CBFA2T2: variants seen among roughly 807,000 people sequenced by gnomAD.
The protein encoded by CBFA2T2 is protein CBFA2T2.
A neutral mutation model predicts 62.2 loss-of-function variants in CBFA2T2; 11 were observed. That is an observed-to-expected ratio of 0.18 (90% confidence interval 0.11 to 0.29). CBFA2T2 has a LOEUF of 0.29. CBFA2T2 is among the 10% of genes least tolerant of loss of function. CBFA2T2 has a pLI of 1.00. For synonymous variants in CBFA2T2, 295 were observed against 287.5 expected, an observed-to-expected ratio of 1.03 and a Z score of -0.27; for missense variants, 592 against 774.1, an observed-to-expected ratio of 0.76 and a Z score of 2.79.
At chr20:33,503,254 CT>C (rs557746879) in intron 1 of CBFA2T2, among the ~76,000 whole-genome samples, 9,435 of 108,380 alleles carry the variant, frequency 0.087, 722 homozygotes, top group African/African-American at 0.28. Flanking sequence ...TTCTTTCTTT[CT>C]TTTTTTTTTT....
In CBFA2T2 at chr20:33,574,383, T is replaced by C. The variant is rs911594655; in HGVS notation, c.35-32573T>C. The stretch of plus-strand genomic sequence containing the variant: ...GCTCACGCCTGTAATCCCAGCACTT[T>C]GGGAGGCCAAGGCGGGTGGATCACC... On this transcript the variant is annotated intron_variant, in intron 1 of 10. Coordinates refer to ENST00000342704, the MANE Select transcript of CBFA2T2 (RefSeq NM_001032999.3). The C allele has an allele frequency of 1.0e-4, 83 of 826,670 alleles. No homozygotes were observed. The African/African-American group carries it at 1.4e-3, about 14-fold the overall frequency. 51.2% of individuals were successfully genotyped at this position (826,670 alleles called of 1,614,324 possible). A position where few individuals can be genotyped will look rare whatever the true frequency, so the allele number is the denominator to read the frequency against.
chr20:33,569,762 G>A (rs1450733159), intron 1 of CBFA2T2, among the ~76,000 whole-genome samples: 1 of 152,086 alleles, frequency 6.6e-6, no homozygotes, highest in Non-Finnish European at 1.5e-5. Context: ...TTAATAATTT[G>A]GAAAATTTAA....
intron 1 of CBFA2T2, among the ~76,000 whole-genome samples, chr20:33,507,746 C>G (rs917532111): frequency 6.6e-6 from 1 of 152,198 alleles, no homozygotes; most frequent in African/African-American, 2.4e-5. Context: ...CCTTTCAATC[C>G]TTTGCTGTTG....
chr20:33,505,857 G>A (rs1054188998), intron 1 of CBFA2T2, among the ~76,000 whole-genome samples: 4 of 152,072 alleles, frequency 2.6e-5, no homozygotes, highest in African/African-American at 9.7e-5. Context: ...TTGGGAGGCT[G>A]AGGCACATGG....
intron 1 of CBFA2T2, among the ~76,000 whole-genome samples, chr20:33,515,517 T>C (rs1168120902): frequency 6.6e-6 from 1 of 152,074 alleles, no homozygotes; most frequent in East Asian, 1.9e-4. Context: ...ACTATAGTTT[T>C]TTATTTTTAT....
At chr20:33,643,818 G>T (rs7509468) in intron 10 of CBFA2T2, among the ~76,000 whole-genome samples, 5 of 34,100 alleles carry the variant, frequency 1.5e-4, no homozygotes, top group Admixed American at 4.4e-4. Flanking sequence ...TATATATATA[G>T]TATATAATGT....
At chr20:33,547,397 T>C in intron 1 of CBFA2T2, among the ~76,000 whole-genome samples, 1 of 151,434 alleles carries the variant, frequency 6.6e-6, no homozygotes, top group Non-Finnish European at 1.5e-5. Flanking sequence ...AAATAAAAAA[T>C]TTAAAAATAA....
At chr20:33,497,127 G>C (rs1051239794) in intron 1 of CBFA2T2, among the ~76,000 whole-genome samples, 39 of 152,070 alleles carry the variant, frequency 2.6e-4, no homozygotes, top group Middle Eastern at 6.8e-3. Context: ...TACAAAATTA[G>C]CTGGGCATGG....
intron 1 of CBFA2T2, among the ~76,000 whole-genome samples, chr20:33,574,648 T>G (rs2013738918): frequency 6.6e-6 from 1 of 152,172 alleles, no homozygotes; most frequent in South Asian, 2.1e-4. Context: ...ACAAAAACTC[T>G]TATAAAAAGT....
chr20:33,627,403 GA>G lies in CBFA2T2; in HGVS notation c.947-940del, dbSNP rs199669517. Among the ~76,000 whole-genome samples, 924 of 151,932 alleles carry G rather than the reference GA, an allele frequency of 6.1e-3. 6 individuals carry two copies. Among genetic ancestry groups the G allele is most frequent in the African/African-American group, 0.019 (805 of 41,412 alleles). ...AGAGTGAGACTCCGTCAAGGGGGGG[GA>G]AAAAAACTGGCTTGCTTTGATTGGA... On this transcript the variant is annotated intron_variant, in intron 6 of 10. Transcript: ENST00000342704.
At chr20:33,621,313 T>TTTTTTTTTG (rs1491565812) in intron 4 of CBFA2T2, among the ~76,000 whole-genome samples, 1 of 108,098 alleles carries the variant, frequency 9.3e-6, no homozygotes, top group African/African-American at 4.0e-5. Context: ...TTTTTTTTTT[T>TTTTTTTTTG]GGGGAGACAA....
At chr20:33,493,656 A>G (rs565541818) in intron 1 of CBFA2T2, among the ~76,000 whole-genome samples, 39 of 151,916 alleles carry the variant, frequency 2.6e-4, no homozygotes, top group Admixed American at 9.8e-4. Context: ...ATGTATTGCC[A>G]TGCCTGGCTA....
chr20:33,527,685 G>GT (rs2011929048), intron 1 of CBFA2T2, among the ~76,000 whole-genome samples: 1 of 151,246 alleles, frequency 6.6e-6, no homozygotes, highest in Admixed American at 6.6e-5. Flanking sequence ...AAGTCTTATT[G>GT]TTTTTTCTTT....
chr20:33,494,312 C>T (rs1360731308), intron 1 of CBFA2T2, among the ~76,000 whole-genome samples: 2 of 86,240 alleles, frequency 2.3e-5, no homozygotes, highest in African/African-American at 9.9e-5. Flanking sequence ...GACAGAGTCT[C>T]GCTCTGTTGC....
At position 33,510,233 on chromosome 20, in the gene CBFA2T2, C is replaced by CA. The variant is rs2011484696; in HGVS notation, c.34+19933dup. Among the ~76,000 whole-genome samples, 3 of 146,334 alleles carry CA rather than the reference C, an allele frequency of 2.1e-5. No individual in the cohort carries two copies. The South Asian group carries it at 6.5e-4, about 32-fold the overall frequency. The stretch of plus-strand genomic sequence containing the variant: ...TTTCTTGTTTTTTTTTTTTTGGAGA[C>CA]AGAGTCTCGCTCTGTCGCCCAGACT... On this transcript the variant is annotated intron_variant, in intron 1 of 10. Coordinates refer to ENST00000342704, the MANE Select transcript of CBFA2T2 (RefSeq NM_001032999.3).
chr20:33,570,062 T>C (rs1485885712), intron 1 of CBFA2T2, among the ~76,000 whole-genome samples: 1 of 152,160 alleles, frequency 6.6e-6, no homozygotes, highest in Non-Finnish European at 1.5e-5. Flanking sequence ...GGCGATCACC[T>C]GAAGTCAGGA....
At chr20:33,587,800 T>C (rs2014444542) in intron 1 of CBFA2T2, among the ~76,000 whole-genome samples, 1 of 152,236 alleles carries the variant, frequency 6.6e-6, no homozygotes, top group Non-Finnish European at 1.5e-5. Flanking sequence ...TATTTCCTTT[T>C]AACTTGTTAT....
At chr20:33,573,467 A>T (rs1484843542) in intron 1 of CBFA2T2, among the ~76,000 whole-genome samples, 1 of 151,006 alleles carries the variant, frequency 6.6e-6, no homozygotes, top group East Asian at 1.9e-4. Context: ...TTTGAGTACT[A>T]CTTCTTCTTC....
At position 33,645,599 on chromosome 20, in the gene CBFA2T2, C is replaced by G. The variant is rs961522162; in HGVS notation, c.*953C>G. The G allele has an allele frequency of 3.3e-5, 5 of 152,224 alleles. No homozygotes were observed. The highest frequency in any genetic ancestry group is 9.7e-5 in the African/African-American group (4 of 41,446). The allele number at this position is 152,224 out of a possible 1,614,324, so 9.4% of individuals were successfully genotyped here. A position where few individuals can be genotyped will look rare whatever the true frequency, so the allele number is the denominator to read the frequency against. ...CACACATCTGGAACGCTGTGGGCATCTTCTGCCCATGGGCTCCATTTGGCA... is the reference window on the plus strand; with the variant it reads ...CACACATCTGGAACGCTGTGGGCATGTTCTGCCCATGGGCTCCATTTGGCA... On this transcript the variant is annotated 3_prime_UTR_variant, in exon 11 of 11. Transcript: ENST00000342704.
Sources: gnomAD v4.1 joint callset for allele counts (sites outside exome capture counted in the v4.1 genomes callset) on GRCh38, gnomAD v4.1.1 for gene constraint, MANE v1.5 for transcripts, NCBI Gene and HGNC (gene_info 2026-07-23, HGNC 2026-07-21) for gene names.